Variants in CEP250 observed in about 807,000 individuals in gnomAD.
CEP250 encodes the protein centrosomal protein 250.
In CEP250, 242 loss-of-function variants were observed where a neutral mutation model predicts 315.7. The ratio of observed to expected loss-of-function variants is 0.77; its 90% confidence interval spans 0.69 to 0.85. The LOEUF is 0.85. Ranked by LOEUF, CEP250 falls within the 40% of genes least tolerant of loss-of-function variation. The probability of loss-of-function intolerance (pLI) is 0.00; values close to 1 mark genes in which losing one functional copy is unlikely to be tolerated. For missense variants in CEP250, 2,515 were observed against 2,886.4 expected, an observed-to-expected ratio of 0.87 and a Z score of 2.95; for synonymous variants, 1,088 against 1,175.0, an observed-to-expected ratio of 0.93 and a Z score of 1.51.
chr20:35,462,263 A>T lies in CEP250; in HGVS notation c.-103-2A>T, dbSNP rs2062773202. 1 of 817,322 alleles carries T rather than the reference A, an allele frequency of 1.2e-6. No individual in the cohort carries two copies. The highest frequency in any genetic ancestry group is 2.8e-5 in the Admixed American group (1 of 35,828). 50.6% of individuals were successfully genotyped at this position (817,322 alleles called of 1,614,324 possible). On this transcript the variant is annotated splice_acceptor_variant, in intron 3 of 34. Transcript: ENST00000397527. LOFTEE classifies it low-confidence loss of function (5UTR_SPLICE). Reference sequence around the variant, plus strand: ...CATTTGACTATGTGCTTTGGTCCCCAGTTCAAGAGGAGGTTGAAGTGGCAT... The same window carrying T: ...CATTTGACTATGTGCTTTGGTCCCCTGTTCAAGAGGAGGTTGAAGTGGCAT...
At chr20:35,487,149 TCTC>T (rs1238040457) in intron 20 of CEP250, among the ~76,000 whole-genome samples, 1 of 152,166 alleles carries the variant, frequency 6.6e-6, no homozygotes, top group African/African-American at 2.4e-5. Context: ...GTGACTGCCT[TCTC>T]CTGGAATCCT....
rs1205308334 is a variant in CEP250, at chr20:35,514,774, C to G, written c.*3148C>G. 6.6e-6 allele frequency: 1 copy of G among 152,302 alleles called. No individual in the cohort carries two copies. Among genetic ancestry groups the G allele is most frequent in the African/African-American group, 2.4e-5 (1 of 41,454 alleles). 9.4% of individuals were successfully genotyped at this position (152,302 alleles called of 1,614,324 possible). A position where few individuals can be genotyped will look rare whatever the true frequency, so the allele number is the denominator to read the frequency against. ...GTGCCAAAGGCTGTCTGCGCCAGGT[C>G]TGGGGCCCCCACTGGTCATACCGCC... On this transcript the variant is annotated 3_prime_UTR_variant, in exon 35 of 35. Coordinates refer to ENST00000397527, the MANE Select transcript of CEP250 (RefSeq NM_007186.6).
intron 30 of CEP250, 49 bp downstream of exon 30, chr20:35,505,054 G>A: frequency 6.7e-7 from 1 of 1,484,984 alleles, no homozygotes; most frequent in Non-Finnish European, 9.0e-7. Flanking sequence ...CCCCTGTCTG[G>A]CTGAGCTCAG....
chr20:35,479,807 TC>T (rs762873926), intron 19 of CEP250, 34 bp downstream of exon 19: 21 of 1,613,028 alleles, frequency 1.3e-5, no homozygotes, highest in Non-Finnish European at 2.5e-6. Context: ...TGCACTCCAT[TC>T]CATGGAGATG....
At position 35,513,446 on chromosome 20, in the gene CEP250, C is replaced by T. The variant is rs2147251914; in HGVS notation, c.*1820C>T. The T allele has an allele frequency of 6.6e-6, 1 of 152,162 alleles. No homozygotes were observed. Among genetic ancestry groups the T allele is most frequent in the East Asian group, 1.9e-4 (1 of 5,170 alleles). 9.4% of individuals were successfully genotyped at this position (152,162 alleles called of 1,614,324 possible). A position where few individuals can be genotyped will look rare whatever the true frequency, so the allele number is the denominator to read the frequency against. On this transcript the variant is annotated 3_prime_UTR_variant, in exon 35 of 35. Coordinates refer to ENST00000397527, the MANE Select transcript of CEP250 (RefSeq NM_007186.6). ...GCTAATTTTGTATTTTTAGTAGAGA[C>T]AGGGTTTCTCCATGTTGATCAGGCT...
rs774702094 is a variant in CEP250, at chr20:35,501,952, C to T, written c.4006C>T (p.Arg1336Ter). The change falls in exon 29 of 35, where the codon CGA (arginine) becomes TGA (stop). Residue 1336 changes from arginine to a stop codon, truncating the protein, a stop_gained. Coordinates refer to ENST00000397527, the MANE Select transcript of CEP250 (RefSeq NM_007186.6). LOFTEE classifies it high-confidence loss of function. ...TCGCCTGCGGAGAGCAGAGCTACAG[C>T]GAATGGAAGCCCAGGTAAAGTGGTA... Reference protein sequence around the residue: ...QSRLRRAELQRMEAQGERELL... With the variant: ...QSRLRRAELQ The T allele has an allele frequency of 1.4e-5, 23 of 1,612,296 alleles. 1 individual carries two copies. In the Admixed American group the frequency reaches 3.2e-4, roughly 22 times the overall value.
At chr20:35,498,860 A>G in intron 27 of CEP250, 144 bp downstream of exon 27, 1 of 953,784 alleles carries the variant, frequency 1.0e-6, no homozygotes, top group Non-Finnish European at 1.5e-6. Context: ...CCTGGCAACC[A>G]CAAATGAAGC....
chr20:35,509,584 G>A (rs967265413), intron 33 of CEP250, among the ~76,000 whole-genome samples: 3 of 152,176 alleles, frequency 2.0e-5, no homozygotes, highest in African/African-American at 7.2e-5. Context: ...ACAGGGAGGC[G>A]CTGTTTATGG....
In CEP250 at chr20:35,505,012, C is replaced by G; in HGVS notation, c.6636+7C>G. ...AGAACAGCAAAGGCTGCAGGTAAGT[C>G]ACTCCATGGGGAGTAAGGGCCAGGG... On this transcript the variant is annotated splice_region_variant and intron_variant, in intron 30 of 34. Transcript: ENST00000397527. 1 of 1,593,708 alleles carries G rather than the reference C, an allele frequency of 6.3e-7. No homozygotes were observed. The highest frequency in any genetic ancestry group is 8.6e-7 in the Non-Finnish European group (1 of 1,167,688).
intron 28 of CEP250, among the ~76,000 whole-genome samples, chr20:35,500,387 C>T (rs1250671472): frequency 1.3e-5 from 2 of 152,202 alleles, no homozygotes; most frequent in South Asian, 2.1e-4. Flanking sequence ...TGCGCCACCA[C>T]GCCTGGCTAA....
intron 30 of CEP250, 60 bp downstream of exon 30, chr20:35,505,065 G>T: frequency 6.9e-7 from 1 of 1,444,870 alleles, no homozygotes; most frequent in Non-Finnish European, 9.3e-7. Context: ...CTGAGCTCAG[G>T]GACTGCCCAC....
At position 35,503,184 on chromosome 20, in the gene CEP250, G is replaced by C. The variant is rs1333525954; in HGVS notation, c.4815G>C (p.Gln1605His). 1 of 1,614,098 alleles carries C rather than the reference G, an allele frequency of 6.2e-7. No homozygotes were observed. The highest frequency in any genetic ancestry group is 1.3e-5 in the African/African-American group (1 of 75,054). ...TAGAAGAAAGGAGCCAGGAGCTGCAGGCACAAAGCAGCCAGATCCATGACC... is the reference window on the plus strand; with the variant it reads ...TAGAAGAAAGGAGCCAGGAGCTGCACGCACAAAGCAGCCAGATCCATGACC... ...LDLEERSQELQAQSSQIHDLE... is the reference protein window; with the variant it reads ...LDLEERSQELHAQSSQIHDLE... The change falls in exon 30 of 35, where the codon CAG becomes CAC. Residue 1605 changes from glutamine (Q) to histidine (H), a missense_variant. Transcript: ENST00000397527. The surrounding 1 kb of genome is among the most constrained non-coding windows in gnomAD (Gnocchi z 4.2).
At chr20:35,459,053 A>G (rs1392341401) in intron 2 of CEP250, among the ~76,000 whole-genome samples, 2 of 127,896 alleles carry the variant, frequency 1.6e-5, no homozygotes, top group Non-Finnish European at 3.1e-5. Context: ...CTGGTCTCGA[A>G]CTCCTGACCT....
intron 14 of CEP250, 82 bp downstream of exon 14, chr20:35,474,134 A>G: frequency 1.7e-6 from 2 of 1,182,922 alleles, no homozygotes; most frequent in Non-Finnish European, 2.3e-6. Flanking sequence ...CCTCTGTTAC[A>G]AAGTAGAGTA....
rs565921473 is a variant in CEP250 at position 35,500,245 on chromosome 20, G to A, written c.3898+76G>A. On this transcript the variant is annotated intron_variant, in intron 28 of 34. Coordinates refer to ENST00000397527, the MANE Select transcript of CEP250 (RefSeq NM_007186.6). ...GGGAGCCCAGAAGTGGCAGGCACAG[G>A]CCTAGCAGCCACTCTGTTTATTTTA... The A allele has an allele frequency of 7.8e-6, 12 of 1,535,048 alleles. No homozygotes were observed. In the African/African-American group the frequency reaches 1.4e-4, roughly 18 times the overall value.
chr20:35,479,896 C>A, intron 19 of CEP250, 80 bp from the exon 20 acceptor site: 1 of 1,593,306 alleles, frequency 6.3e-7, no homozygotes, highest in Non-Finnish European at 8.6e-7. Flanking sequence ...ATGGGAGTTG[C>A]TCATGAGGTC....
Position 35,479,238 on chromosome 20 carries a change from AC to A in CEP250, c.2104del (p.Gln702SerfsTer33). 2 of 1,613,714 alleles carry A rather than the reference AC, an allele frequency of 1.2e-6. No homozygotes were observed. Among genetic ancestry groups the A allele is most frequent in the Non-Finnish European group, 1.7e-6 (2 of 1,179,770 alleles). ...CCACATTCTTCCCCTCAGTCACGTC[AC>A]CAGCAGGAGGCAGCCACGACTCAGC... ...EIQKKLSESR[H>X]QQEAATTQLE... On this transcript the variant is annotated frameshift_variant, in exon 18 of 35. Transcript: ENST00000397527. LOFTEE classifies it high-confidence loss of function.
At position 35,503,030 on chromosome 20, in the gene CEP250, C is replaced by T. The variant is rs777860886; in HGVS notation, c.4661C>T (p.Thr1554Ile). The T allele has an allele frequency of 1.2e-6, 2 of 1,614,164 alleles. No individual in the cohort carries two copies. Among genetic ancestry groups the T allele is most frequent in the Non-Finnish European group, 1.7e-6 (2 of 1,180,032 alleles). The part of the protein sequence containing the change: ...QVQDLKKQLV[T>I]LECLALELEE... ...CAGGACCTGAAAAAGCAGTTGGTTA[C>T]TCTGGAATGCCTGGCCCTGGAACTG... Residue 1554 changes from threonine (T) to isoleucine (I), a missense_variant, in exon 30 of 35, where the codon ACT becomes ATT. By Grantham distance (89) the Thr-to-Ile change is moderately conservative. Coordinates refer to ENST00000397527, the MANE Select transcript of CEP250 (RefSeq NM_007186.6). This position sits in a 1 kb window ranked among gnomAD's most constrained non-coding sequence, Gnocchi z 4.2.
At chr20:35,509,086 C>T (rs776121443) in intron 33 of CEP250, 42 bp downstream of exon 33, 3 of 1,498,030 alleles carry the variant, frequency 2.0e-6, no homozygotes, top group East Asian at 2.5e-5. Context: ...AGAGCCCAAC[C>T]CCAGCCACCA....
Sources: gnomAD v4.1 joint callset for allele counts (sites outside exome capture counted in the v4.1 genomes callset) on GRCh38, gnomAD v4.1.1 for gene constraint, Gnocchi (gnomAD v3.1) non-coding constraint, MANE v1.5 for transcripts, NCBI Gene and HGNC (gene_info 2026-07-23, HGNC 2026-07-21) for gene names.